The following TIPIN variants were observed in gnomAD, a reference collection of about 807,000 sequenced individuals.
The protein encoded by TIPIN is TIMELESS interacting protein, also known as TIMELESS-interacting protein.
A neutral mutation model predicts 35.6 loss-of-function variants in TIPIN; 29 were observed. The ratio of observed to expected loss-of-function variants is 0.82; its 90% CI spans 0.61 to 1.11. TIPIN has a LOEUF of 1.11. Among genes scored for constraint, TIPIN ranks in the 50% most tolerant of loss-of-function variants. The pLI is 0.00. For missense variants in TIPIN, 296 were observed against 345.4 expected, an observed-to-expected ratio of 0.86 and a Z score of 1.13; for synonymous variants, 102 against 121.5, an observed-to-expected ratio of 0.84 and a Z score of 1.06.
intron 1 of TIPIN, chr15:66,383,085 T>G (rs922665330): frequency 4.7e-6 from 3 of 640,784 alleles, no homozygotes; most frequent in Non-Finnish European, 5.8e-6. Flanking sequence ...CCAGCATGCA[T>G]AGAATCATAA....
intron 1 of TIPIN, chr15:66,371,332 G>A: frequency 1.0e-6 from 1 of 984,700 alleles, no homozygotes; most frequent in Non-Finnish European, 1.2e-6. Flanking sequence ...AAAATTTGGA[G>A]CAAAACCCAC....
rs1440774356 is a variant in TIPIN, at chr15:66,341,339, T to C, written c.493A>G (p.Asn165Asp). 6.2e-7 allele frequency: 1 copy of C among 1,612,982 alleles called. No individual in the cohort carries two copies. Among genetic ancestry groups the C allele is most frequent in the South Asian group, 1.1e-5 (1 of 91,020 alleles). The change falls in exon 7 of 8, where the codon AAT becomes GAT. Residue 165 changes from asparagine to aspartate, a missense_variant. Coordinates refer to ENST00000261881, the MANE Select transcript of TIPIN (RefSeq NM_017858.3). Reference protein sequence around the residue: ...VSNNDEVAENNEHDVTSTELD... With the variant: ...VSNNDEVAENDEHDVTSTELD... ...TCAGTAGAAGTGACATCATGTTCAT[T>C]ATTCTCCGCAACTTCATCTGCAATA...
intron 1 of TIPIN, among the ~76,000 whole-genome samples, chr15:66,353,356 G>A (rs1400949043): frequency 1.3e-5 from 2 of 151,932 alleles, no homozygotes; most frequent in African/African-American, 2.4e-5. Flanking sequence ...GGTGGCTCAC[G>A]CCTGTAATCC....
chr15:66,353,020 T>C lies in TIPIN; in HGVS notation c.-8-65A>G. The C allele has an allele frequency of 2.0e-6, 3 of 1,464,118 alleles. 1 individual carries two copies. In the South Asian group the frequency reaches 4.4e-5, roughly 21 times the overall value. The allele number at this position is 1,464,118 out of a possible 1,614,324, so 90.7% of individuals were successfully genotyped here. On this transcript the variant is annotated intron_variant, in intron 1 of 7. Transcript: ENST00000261881. ...TAGTCTCCACTATATAGACAAGTTC[T>C]ACCTGCAGCCATTTCATGTGTTTCA...
At chr15:66,342,359 A>G (rs1414191672) in intron 6 of TIPIN, among the ~76,000 whole-genome samples, 1 of 152,074 alleles carries the variant, frequency 6.6e-6, no homozygotes, top group Non-Finnish European at 1.5e-5. Flanking sequence ...AGGTAATTTT[A>G]ATACATTTTA....
chr15:66,358,024 G>A (rs62626351), upstream of TIPIN, among the ~76,000 whole-genome samples: 695 of 152,210 alleles, frequency 4.6e-3, 8 homozygotes, highest in African/African-American at 0.016. Flanking sequence ...TTGAGAGGCT[G>A]ACGCAGGAGG....
At chr15:66,382,874 T>C (rs1241612757) in intron 1 of TIPIN, 3 of 830,440 alleles carry the variant, frequency 3.6e-6, no homozygotes, top group Admixed American at 1.2e-4. Context: ...AGTCTTATTC[T>C]TGTCTGTATG....
chr15:66,380,540 C>T (rs763110194), intron 1 of TIPIN, among the ~76,000 whole-genome samples: 4 of 152,012 alleles, frequency 2.6e-5, no homozygotes, highest in African/African-American at 9.7e-5. Context: ...CTGGGCCAGG[C>T]GCGGTGGCTC....
chr15:66,371,104 G>A lies in TIPIN; in HGVS notation c.-9+15503C>T, dbSNP rs138323183. On this transcript the variant is annotated intron_variant, in intron 1 of 7. Transcript: ENST00000562124. The stretch of plus-strand genomic sequence containing the variant: ...CACATGCTGGTAATACCAGCTACTC[G>A]GAAGGCTGAGGCATGAGAATCACTT... The A allele has an allele frequency of 7.9e-4, 322 of 405,478 alleles. 2 individuals are homozygous for A. Among genetic ancestry groups the A allele is most frequent in the African/African-American group, 6.6e-3 (302 of 45,796 alleles). 25.1% of individuals were successfully genotyped at this position (405,478 alleles called of 1,614,324 possible).
intron 7 of TIPIN, among the ~76,000 whole-genome samples, chr15:66,337,780 TAAAA>T (rs113417714): frequency 2.1e-4 from 30 of 145,660 alleles, no homozygotes; most frequent in Middle Eastern, 3.6e-3. Flanking sequence ...AAAAATAAAA[TAAAA>T]AAAAAAATAA....
At chr15:66,383,015 T>C (rs1466801140) in intron 1 of TIPIN, 2 of 985,334 alleles carry the variant, frequency 2.0e-6, no homozygotes, top group African/African-American at 3.5e-5. Flanking sequence ...TTGGGGTAAT[T>C]GTTTATCTGG....
At chr15:66,342,186 C>CAAAAAAAAAAAAAAAAAAAAAA (rs55711983) in intron 6 of TIPIN, among the ~76,000 whole-genome samples, 22 of 108,506 alleles carry the variant, frequency 2.0e-4, no homozygotes, top group East Asian at 1.2e-3. Context: ...AAGACTGTCT[C>CAAAAAAAAAAAAAAAAAAAAAA]AAAAAAAAAA....
At chr15:66,339,189 A>G (rs1250242436) in intron 7 of TIPIN, among the ~76,000 whole-genome samples, 1 of 149,934 alleles carries the variant, frequency 6.7e-6, no homozygotes. Context: ...ATCTTAACTG[A>G]AAAAAAAAGT....
chr15:66,341,389 G>T (rs779620459), intron 6 of TIPIN, 33 bp from the exon 7 acceptor site: 1 of 1,555,494 alleles, frequency 6.4e-7, no homozygotes, highest in South Asian at 1.2e-5. Flanking sequence ...CATCTGTGGT[G>T]TTAGACTAGT....
chr15:66,373,126 G>A (rs2093283491), intron 1 of TIPIN, among the ~76,000 whole-genome samples: 1 of 152,068 alleles, frequency 6.6e-6, no homozygotes. Flanking sequence ...GCTCAATGAT[G>A]AAATCGCCTA....
chr15:66,356,661 C>T lies in TIPIN; in HGVS notation c.-31G>A, dbSNP rs2093206157. ...CACCTCACGCAGAAAACACGGGACA[C>T]AGCGCGGACCTCGGCGTGCAGACTA... On this transcript the variant is annotated 5_prime_UTR_variant, in exon 1 of 8. The change creates a new upstream start codon in the 5' untranslated region. Transcript: ENST00000261881. 4.1e-6 allele frequency: 4 copies of T among 985,722 alleles called. No individual in the cohort carries two copies. Among genetic ancestry groups the T allele is most frequent in the Non-Finnish European group, 4.8e-6 (4 of 830,140 alleles). The allele number at this position is 985,722 out of a possible 1,614,324, so 61.1% of individuals were successfully genotyped here.
At chr15:66,354,440 T>A (rs773810143) in intron 1 of TIPIN, among the ~76,000 whole-genome samples, 4 of 152,224 alleles carry the variant, frequency 2.6e-5, no homozygotes, top group Non-Finnish European at 5.9e-5. Context: ...TCTCCTTATC[T>A]CTATAACCAC....
chr15:66,339,152 A>G lies in TIPIN; in HGVS notation c.683-1971T>C, dbSNP rs1467747812. On this transcript the variant is annotated intron_variant, in intron 7 of 7. Transcript: ENST00000261881. ...ATCTCAAAAAAAAAAAAAAAAAAAA[A>G]AAAAAGCAAAAAGAAAAAGTAAATT... Among the ~76,000 whole-genome samples the G allele has an allele frequency of 2.4e-4, 13 of 53,370 alleles. 1 individual carries two copies. The highest frequency in any genetic ancestry group is 5.9e-4 in the Admixed American group (3 of 5,072). 35.0% of individuals were successfully genotyped at this position (53,370 alleles called of 152,430 possible). A position where few individuals can be genotyped will look rare whatever the true frequency, so the allele number is the denominator to read the frequency against.
upstream of TIPIN, among the ~76,000 whole-genome samples, chr15:66,359,204 TAGAA>T (rs531426563): frequency 3.8e-3 from 561 of 149,328 alleles, 2 homozygotes; most frequent in African/African-American, 0.013. Flanking sequence ...CACACAAAGA[TAGAA>T]AGTAAATTAC....
Sources: allele counts gnomAD v4.1 joint callset (sites outside exome capture counted in the v4.1 genomes callset), GRCh38; gene constraint gnomAD v4.1.1; transcripts MANE v1.5; gene names NCBI Gene and HGNC (gene_info 2026-07-23, HGNC 2026-07-21).